Variants in SH3GL2 observed in about 807,000 individuals in gnomAD.
The protein encoded by SH3GL2 is SH3 domain containing GRB2 like 2, endophilin A1.
A neutral mutation model predicts 46.0 loss-of-function variants in SH3GL2; 24 were observed. The observed-to-expected ratio is 0.52, with a 90% CI of 0.38 to 0.73. The LOEUF (loss-of-function observed/expected upper bound fraction) is 0.73. Among genes scored for constraint, SH3GL2 ranks in the 30% least tolerant of loss-of-function variants. The pLI is 0.00. For missense variants in SH3GL2, 413 were observed against 424.2 expected (o/e 0.97, Z 0.23); for synonymous variants, 196 against 147.1 (o/e 1.33, Z -2.40).
chr9:17,623,024 TCCTTTCCTTTCCTTTCCTTCCCCTTC>T (rs1819186608), intron 1 of SH3GL2, among the ~76,000 whole-genome samples: 1 of 97,098 alleles, frequency 1.0e-5, no homozygotes, highest in African/African-American at 4.2e-5. Flanking sequence ...TCCTTTCCTT[TCCTTTCCTTTCCTTTCCTTCCCCTTC>T]CCCTTCCCCT....
chr9:17,661,931 G>C (rs7847025), intron 1 of SH3GL2, among the ~76,000 whole-genome samples: 7,714 of 152,130 alleles, frequency 0.051, 652 homozygotes, highest in African/African-American at 0.18. Flanking sequence ...GGTTGCAATG[G>C]GATGATTTTA....
chr9:17,675,687 C>T (rs551256735), intron 1 of SH3GL2, among the ~76,000 whole-genome samples: 15 of 152,292 alleles, frequency 9.8e-5, no homozygotes, highest in African/African-American at 3.6e-4. Flanking sequence ...TGGCTCACGC[C>T]TGTAATCTCA....
chr9:17,622,153 A>T (rs955319003), intron 1 of SH3GL2, among the ~76,000 whole-genome samples: 1 of 152,188 alleles, frequency 6.6e-6, no homozygotes, highest in Admixed American at 6.5e-5. Flanking sequence ...ATGAATATGC[A>T]TTAGGAGTTG....
chr9:17,764,207 G>T (rs1016350550), intron 3 of SH3GL2, among the ~76,000 whole-genome samples: 1 of 152,156 alleles, frequency 6.6e-6, no homozygotes, highest in Non-Finnish European at 1.5e-5. Flanking sequence ...ATATGAGTAA[G>T]TACTACCCAG....
At chr9:17,593,579 T>C (rs565707316) in intron 1 of SH3GL2, among the ~76,000 whole-genome samples, 1 of 152,290 alleles carries the variant, frequency 6.6e-6, no homozygotes, top group East Asian at 1.9e-4. Flanking sequence ...AACTGTCTTG[T>C]TCAAAACATG....
At chr9:17,730,725 T>C (rs1016184367) in intron 1 of SH3GL2, among the ~76,000 whole-genome samples, 1 of 152,148 alleles carries the variant, frequency 6.6e-6, no homozygotes, top group Non-Finnish European at 1.5e-5. Context: ...CTCTCCTAAA[T>C]TTTAAATAAC....
intron 2 of SH3GL2, among the ~76,000 whole-genome samples, chr9:17,759,566 T>C (rs1823109054): frequency 6.6e-6 from 1 of 152,166 alleles, no homozygotes; most frequent in Non-Finnish European, 1.5e-5. Flanking sequence ...GTATCTGTTT[T>C]CTCATATACA....
At chr9:17,703,755 C>A (rs978860121) in intron 1 of SH3GL2, among the ~76,000 whole-genome samples, 3 of 152,082 alleles carry the variant, frequency 2.0e-5, no homozygotes, top group African/African-American at 7.2e-5. Context: ...ATTCAGCATC[C>A]GTTCATGTTA....
chr9:17,748,866 G>C (rs966809842), intron 2 of SH3GL2, among the ~76,000 whole-genome samples: 1 of 152,144 alleles, frequency 6.6e-6, no homozygotes, highest in Admixed American at 6.5e-5. Context: ...ATGGGAAAGA[G>C]TTAGCAGAGC....
intron 1 of SH3GL2, among the ~76,000 whole-genome samples, chr9:17,730,423 G>A (rs1296921369): frequency 2.0e-5 from 3 of 152,004 alleles, no homozygotes; most frequent in African/African-American, 4.8e-5. Flanking sequence ...GTTTGAATTC[G>A]TCTCTTCCTG....
intron 1 of SH3GL2, among the ~76,000 whole-genome samples, chr9:17,742,690 T>A (rs1368383976): frequency 6.6e-6 from 1 of 152,050 alleles, no homozygotes. Flanking sequence ...AAGAGGAAAA[T>A]GAGATTTTTA....
At chr9:17,752,524 G>T (rs72717206) in intron 2 of SH3GL2, among the ~76,000 whole-genome samples, 1 of 151,876 alleles carries the variant, frequency 6.6e-6, no homozygotes, top group Non-Finnish European at 1.5e-5. Flanking sequence ...GGAGATTGAG[G>T]TCTCACTCTA....
chr9:17,682,004 C>G (rs933884394), intron 1 of SH3GL2, among the ~76,000 whole-genome samples: 1 of 152,034 alleles, frequency 6.6e-6, no homozygotes, highest in Non-Finnish European at 1.5e-5. Context: ...CAAATCAAAA[C>G]TGCAATGAGA....
chr9:17,611,294 G>A (rs1302552480), intron 1 of SH3GL2, among the ~76,000 whole-genome samples: 1 of 152,074 alleles, frequency 6.6e-6, no homozygotes, highest in Non-Finnish European at 1.5e-5. Context: ...GTAAACGTGG[G>A]TACGTGATAG....
At chr9:17,630,224 C>T (rs1314150559) in intron 1 of SH3GL2, 1 of 152,112 alleles carries the variant, frequency 6.6e-6, no homozygotes, top group African/African-American at 2.4e-5. Flanking sequence ...CTATACAATA[C>T]CTTTACCAGT....
chr9:17,581,222 A>G (rs1023145861), intron 1 of SH3GL2, among the ~76,000 whole-genome samples: 3 of 150,350 alleles, frequency 2.0e-5, no homozygotes, highest in Non-Finnish European at 3.0e-5. Flanking sequence ...ATTTCCGCTA[A>G]ATCTTGAAGT....
At chr9:17,795,491 A>C in intron 8 of SH3GL2, 53 bp from the exon 9 acceptor site, 42 of 1,455,946 alleles carry the variant, frequency 2.9e-5, no homozygotes, top group Non-Finnish European at 3.6e-5. Flanking sequence ...TCTGTGAGTT[A>C]AATACCCCTT....
chr9:17,792,044 G>A (rs950287237), intron 7 of SH3GL2, among the ~76,000 whole-genome samples: 2 of 152,176 alleles, frequency 1.3e-5, no homozygotes, highest in Admixed American at 1.3e-4. Flanking sequence ...TGATTTTGCT[G>A]AACATGTATA....
chr9:17,750,586 T>C (rs1407149254), intron 2 of SH3GL2, among the ~76,000 whole-genome samples: 2 of 152,218 alleles, frequency 1.3e-5, no homozygotes, highest in South Asian at 2.1e-4. Context: ...ATTCTTTTTG[T>C]TTTCATTTTA....
Sources: allele counts gnomAD v4.1 joint callset (sites outside exome capture counted in the v4.1 genomes callset), GRCh38; gene constraint gnomAD v4.1.1; transcripts MANE v1.5; gene names NCBI Gene and HGNC (gene_info 2026-07-23, HGNC 2026-07-21).